The following SPOCK3 variants were observed in gnomAD, a reference collection of about 807,000 sequenced individuals.
The protein encoded by SPOCK3 is testican-3.
SPOCK3 carries 30 observed loss-of-function variants against 56.6 expected under a neutral mutation model. The ratio of observed to expected loss-of-function variants is 0.53; its 90% CI spans 0.40 to 0.72. The LOEUF is 0.72. Ranked by LOEUF, SPOCK3 falls within the 30% of genes least tolerant of loss-of-function variation. The pLI, the probability that SPOCK3 is intolerant of heterozygous loss-of-function variation, is 0.00. For missense variants in SPOCK3, 527 were observed against 530.0 expected (o/e 0.99, Z 0.06); for synonymous variants, 196 against 183.3 (o/e 1.07, Z -0.56).
In SPOCK3 at chr4:167,172,422, C is replaced by T. The variant is rs547515182; in HGVS notation, c.189+61563G>A. Among the ~76,000 whole-genome samples the T allele has an allele frequency of 9.2e-5, 14 of 152,234 alleles. No individual in the cohort carries two copies. The South Asian group carries it at 2.9e-3, about 32-fold the overall frequency. On this transcript the variant is annotated intron_variant, in intron 2 of 10. Coordinates refer to ENST00000357545, the MANE Select transcript of SPOCK3 (RefSeq NM_001040159.2). The stretch of plus-strand genomic sequence containing the variant: ...TTTCTAAAACAGCACATAATGAAGG[C>T]AAAAGCTGCCCAATCCAATGTTTAT...
At chr4:167,051,605 A>C (rs1172303174) in intron 3 of SPOCK3, among the ~76,000 whole-genome samples, 2 of 152,228 alleles carry the variant, frequency 1.3e-5, no homozygotes, top group African/African-American at 4.8e-5. Context: ...TGAAGTCTTC[A>C]TCTGATGCTC....
At chr4:166,944,295 C>A (rs1442829131) in intron 4 of SPOCK3, among the ~76,000 whole-genome samples, 1 of 151,772 alleles carries the variant, frequency 6.6e-6, no homozygotes, top group Admixed American at 6.6e-5. Flanking sequence ...TTCTATCATT[C>A]CCCCAATATG....
intron 2 of SPOCK3, among the ~76,000 whole-genome samples, chr4:167,131,396 G>A (rs1216841711): frequency 6.6e-6 from 1 of 152,044 alleles, no homozygotes; most frequent in African/African-American, 2.4e-5. Context: ...AGACCAGCCT[G>A]GCCAACATGG....
chr4:167,092,476 G>T (rs531428705), intron 2 of SPOCK3, among the ~76,000 whole-genome samples: 1 of 152,138 alleles, frequency 6.6e-6, no homozygotes, highest in Admixed American at 6.6e-5. Flanking sequence ...TTATTGCATT[G>T]ATCTGATTTG....
chr4:166,884,866 G>A (rs934337680), intron 6 of SPOCK3, among the ~76,000 whole-genome samples: 2 of 115,722 alleles, frequency 1.7e-5, no homozygotes, highest in African/African-American at 2.9e-5. Context: ...CCATAAACTG[G>A]TTAAACACAC....
intron 2 of SPOCK3, among the ~76,000 whole-genome samples, chr4:167,219,973 A>G (rs556319777): frequency 6.6e-6 from 1 of 152,210 alleles, no homozygotes; most frequent in South Asian, 2.1e-4. Flanking sequence ...ATATATTCCA[A>G]CCTATCTTAT....
In SPOCK3 at chr4:166,765,938, T is replaced by A. The variant is rs555205484; in HGVS notation, c.710-11209A>T. The stretch of plus-strand genomic sequence containing the variant: ...AGTTGGATTCCTAGGTATTTTATTC[T>A]CTTTGAAGCAATTATGAATGGGAGT... On this transcript the variant is annotated intron_variant, in intron 7 of 10. Transcript: ENST00000357545. 7.2e-5 allele frequency among the ~76,000 whole-genome samples: 11 copies of A among 152,022 alleles called. No homozygotes were observed. The South Asian group carries it at 2.4e-3, about 33-fold the overall frequency.
At chr4:166,919,202 C>G (rs186344011) in intron 4 of SPOCK3, among the ~76,000 whole-genome samples, 17 of 152,136 alleles carry the variant, frequency 1.1e-4, no homozygotes, top group African/African-American at 4.1e-4. Flanking sequence ...GCTTATGAGG[C>G]CAACAAGTAT....
chr4:166,873,937 T>C (rs1732781713), intron 6 of SPOCK3, among the ~76,000 whole-genome samples: 1 of 152,124 alleles, frequency 6.6e-6, no homozygotes, highest in Admixed American at 6.5e-5. Flanking sequence ...GATTTGATAA[T>C]AATATTGTTA....
intron 6 of SPOCK3, among the ~76,000 whole-genome samples, chr4:166,814,425 G>C (rs1032460595): frequency 1.3e-5 from 2 of 152,036 alleles, no homozygotes; most frequent in African/African-American, 2.4e-5. Flanking sequence ...GGGAGAGGAA[G>C]ACCCACCCTC....
intron 4 of SPOCK3, among the ~76,000 whole-genome samples, chr4:166,980,497 G>T (rs1224556330): frequency 1.3e-5 from 2 of 152,182 alleles, no homozygotes; most frequent in African/African-American, 4.8e-5. Context: ...GGCCCACTGG[G>T]CTCATTCCAC....
At chr4:166,800,518 A>G (rs1239883275) in intron 6 of SPOCK3, among the ~76,000 whole-genome samples, 1 of 152,120 alleles carries the variant, frequency 6.6e-6, no homozygotes, top group East Asian at 1.9e-4. Context: ...GAAGACAGTG[A>G]TATTGATGAT....
At chr4:166,885,498 A>G (rs1460642006) in intron 6 of SPOCK3, among the ~76,000 whole-genome samples, 2 of 152,076 alleles carry the variant, frequency 1.3e-5, no homozygotes, top group Non-Finnish European at 2.9e-5. Flanking sequence ...TTTGCACTGT[A>G]TCCTCCTTGA....
At chr4:166,999,511 A>T (rs895047344) in intron 4 of SPOCK3, among the ~76,000 whole-genome samples, 6 of 152,096 alleles carry the variant, frequency 3.9e-5, no homozygotes, top group Non-Finnish European at 5.9e-5. Flanking sequence ...CAAAAATCCA[A>T]TTTTTCTCTG....
At chr4:166,795,039 A>G (rs1741780028) in intron 6 of SPOCK3, among the ~76,000 whole-genome samples, 2 of 152,184 alleles carry the variant, frequency 1.3e-5, no homozygotes, top group Non-Finnish European at 2.9e-5. Flanking sequence ...TTTAATAGCA[A>G]GTTTGTTAAC....
At chr4:167,209,857 GA>G (rs991751031) in intron 2 of SPOCK3, among the ~76,000 whole-genome samples, 4 of 152,006 alleles carry the variant, frequency 2.6e-5, no homozygotes, top group Non-Finnish European at 5.9e-5. Context: ...GACATCATGG[GA>G]AAAAAAGCAG....
chr4:167,140,325 T>C (rs1363776423), intron 2 of SPOCK3, among the ~76,000 whole-genome samples: 1 of 152,084 alleles, frequency 6.6e-6, no homozygotes, highest in Non-Finnish European at 1.5e-5. Context: ...TCTGGAAGAT[T>C]ACTGGAAAAT....
chr4:167,000,286 T>C, intron 4 of SPOCK3, 63 bp downstream of exon 4: 1 of 764,316 alleles, frequency 1.3e-6, no homozygotes, highest in Non-Finnish European at 2.2e-6. Flanking sequence ...ATATTTATAC[T>C]CTGCAGTTAT....
chr4:166,771,887 G>A (rs28527797), intron 7 of SPOCK3, among the ~76,000 whole-genome samples: 119,323 of 151,834 alleles, frequency 0.79, 47,136 homozygotes, highest in South Asian at 0.82. Flanking sequence ...TCCTCCCATA[G>A]CCACTGTTAT....
Sources: allele counts gnomAD v4.1 joint callset (sites outside exome capture counted in the v4.1 genomes callset), GRCh38; gene constraint gnomAD v4.1.1; transcripts MANE v1.5; gene names NCBI Gene and HGNC (gene_info 2026-07-23, HGNC 2026-07-21).